Variants in GRID1 observed in about 807,000 individuals in gnomAD.
GRID1 encodes the protein glutamate receptor ionotropic, delta-1.
GRID1 carries 28 observed loss-of-function variants against 98.0 expected under a neutral mutation model. The ratio of observed to expected loss-of-function variants is 0.29; its 90% confidence interval spans 0.21 to 0.39. GRID1 has a LOEUF of 0.39. Among genes scored for constraint, GRID1 ranks in the 10% least tolerant of loss-of-function variants. GRID1 has a pLI of 1.00. For synonymous variants in GRID1, 553 were observed against 538.5 expected, an observed-to-expected ratio of 1.03 and a Z score of -0.37; for missense variants, 1,111 against 1,340.5, an observed-to-expected ratio of 0.83 and a Z score of 2.67.
chr10:85,610,090 C>T (rs1432842883), intron 15 of GRID1, among the ~76,000 whole-genome samples: 3 of 152,246 alleles, frequency 2.0e-5, no homozygotes, highest in African/African-American at 7.2e-5. Flanking sequence ...AGACAGGTTT[C>T]TGGCTCTTAA....
intron 8 of GRID1, among the ~76,000 whole-genome samples, chr10:85,794,342 T>C (rs997156395): frequency 3.3e-5 from 5 of 152,222 alleles, no homozygotes; most frequent in Admixed American, 2.0e-4. Context: ...GTCCCTGAGA[T>C]TGAATCTCAG....
intron 3 of GRID1, among the ~76,000 whole-genome samples, chr10:86,160,577 T>C (rs1365646430): frequency 6.6e-6 from 1 of 152,164 alleles, no homozygotes; most frequent in East Asian, 1.9e-4. Flanking sequence ...GTGGTCACCA[T>C]TTTCAGACCC....
chr10:86,103,617 G>A (rs1313675391), intron 4 of GRID1, among the ~76,000 whole-genome samples: 4 of 152,236 alleles, frequency 2.6e-5, no homozygotes, highest in Non-Finnish European at 4.4e-5. Context: ...CTTATGTAAT[G>A]CCTTCTTAGG....
intron 3 of GRID1, among the ~76,000 whole-genome samples, chr10:86,189,565 A>G (rs1240199306): frequency 2.6e-5 from 4 of 152,000 alleles, no homozygotes; most frequent in Non-Finnish European, 5.9e-5. Flanking sequence ...CACAAACTGC[A>G]CTAAAAACAC....
At chr10:85,816,815 T>C (rs1036138144) in intron 8 of GRID1, among the ~76,000 whole-genome samples, 2 of 152,170 alleles carry the variant, frequency 1.3e-5, no homozygotes, top group East Asian at 1.9e-4. Context: ...GTAATAAGTA[T>C]AGTACCTGAT....
intron 8 of GRID1, among the ~76,000 whole-genome samples, chr10:85,815,506 T>C (rs1358779995): frequency 6.6e-6 from 1 of 151,962 alleles, no homozygotes; most frequent in African/African-American, 2.4e-5. Flanking sequence ...ACTAAACAAT[T>C]ATATTAAAAT....
chr10:86,111,561 T>C (rs1844484562), intron 4 of GRID1, among the ~76,000 whole-genome samples: 3 of 152,224 alleles, frequency 2.0e-5, no homozygotes, highest in African/African-American at 7.2e-5. Context: ...ATGTGTTCTA[T>C]AAATTAAACT....
intron 8 of GRID1, among the ~76,000 whole-genome samples, chr10:85,799,676 G>A (rs1022347466): frequency 6.6e-6 from 1 of 152,044 alleles, no homozygotes; most frequent in Non-Finnish European, 1.5e-5. Flanking sequence ...AATCTCATAG[G>A]AGTAGAGAGT....
At chr10:86,100,199 T>C (rs1240437892) in intron 4 of GRID1, among the ~76,000 whole-genome samples, 1 of 152,186 alleles carries the variant, frequency 6.6e-6, no homozygotes, top group Admixed American at 6.5e-5. Flanking sequence ...TGCAAAGTAT[T>C]GTAATCACAC....
At chr10:86,160,057 T>TATC (rs928153201) in intron 3 of GRID1, among the ~76,000 whole-genome samples, 9 of 150,508 alleles carry the variant, frequency 6.0e-5, no homozygotes, top group African/African-American at 1.2e-4. Flanking sequence ...TCATCATCAT[T>TATC]ATCATCATCA....
chr10:85,660,013 G>T (rs1276571704), intron 12 of GRID1, among the ~76,000 whole-genome samples: 3 of 152,228 alleles, frequency 2.0e-5, no homozygotes, highest in African/African-American at 7.2e-5. Context: ...TGATGTCCAT[G>T]CCATGGAATG....
At chr10:86,265,571 C>T (rs1206892265) in intron 2 of GRID1, among the ~76,000 whole-genome samples, 2 of 152,222 alleles carry the variant, frequency 1.3e-5, no homozygotes, top group African/African-American at 2.4e-5. Flanking sequence ...GTGGCTGGCA[C>T]ACCCACAGAT....
intron 8 of GRID1, among the ~76,000 whole-genome samples, chr10:85,805,669 A>G (rs1376962632): frequency 6.6e-6 from 1 of 151,952 alleles, no homozygotes; most frequent in East Asian, 1.9e-4. Flanking sequence ...GAGAGTCTGG[A>G]AAAAGATCCA....
chr10:86,313,955 C>A (rs951278041), intron 2 of GRID1, among the ~76,000 whole-genome samples: 5 of 152,246 alleles, frequency 3.3e-5, no homozygotes, highest in Non-Finnish European at 7.3e-5. Flanking sequence ...TAATTCCCTC[C>A]TTTCAAGCTG....
At chr10:86,180,367 G>C (rs952237352) in intron 3 of GRID1, among the ~76,000 whole-genome samples, 1 of 152,132 alleles carries the variant, frequency 6.6e-6, no homozygotes, top group African/African-American at 2.4e-5. Flanking sequence ...GGGCAGGTGT[G>C]ACAGTCCTAT....
Position 86,007,819 on chromosome 10 carries a change from T to A in GRID1, c.727-91580A>T, listed in dbSNP as rs555971342. 5.7e-5 allele frequency among the ~76,000 whole-genome samples: 8 copies of A among 139,454 alleles called. No individual in the cohort carries two copies. In the South Asian group the frequency reaches 1.9e-3, roughly 33 times the overall value. 91.5% of individuals were successfully genotyped at this position (139,454 alleles called of 152,430 possible). On this transcript the variant is annotated intron_variant, in intron 4 of 15. Coordinates refer to ENST00000327946, the MANE Select transcript of GRID1 (RefSeq NM_017551.3). ...AGTTTTGTTTTTTTTGTTTTTTGTGTTTTTTTATTTATTTATTTATTTATT... is the reference window on the plus strand; with the variant it reads ...AGTTTTGTTTTTTTTGTTTTTTGTGATTTTTTATTTATTTATTTATTTATT...
chr10:86,116,416 C>T (rs529771055), intron 4 of GRID1, among the ~76,000 whole-genome samples: 28 of 152,302 alleles, frequency 1.8e-4, no homozygotes, highest in Non-Finnish European at 3.1e-4. Flanking sequence ...CCGCAACTCC[C>T]CAGATGAGCA....
chr10:85,989,848 AG>A (rs1842658420), intron 4 of GRID1, among the ~76,000 whole-genome samples: 2 of 152,202 alleles, frequency 1.3e-5, no homozygotes, highest in Non-Finnish European at 2.9e-5. Context: ...CTAACTCCCA[AG>A]ACGATGGTAT....
chr10:86,088,032 G>C (rs1209205441), intron 4 of GRID1, among the ~76,000 whole-genome samples: 4 of 152,230 alleles, frequency 2.6e-5, no homozygotes, highest in Non-Finnish European at 5.9e-5. Context: ...ACCGCGGACT[G>C]TTCCAGCCCC....
Sources: gnomAD v4.1 joint callset for allele counts (sites outside exome capture counted in the v4.1 genomes callset) on GRCh38, gnomAD v4.1.1 for gene constraint, MANE v1.5 for transcripts, NCBI Gene and HGNC (gene_info 2026-07-23, HGNC 2026-07-21) for gene names.